CFAP47: variants seen among roughly 807,000 people sequenced by gnomAD.
CFAP47 encodes the protein cilia and flagella associated protein 47.
Under a neutral mutation model 148.1 loss-of-function variants are expected in CFAP47, and 29 were observed. The observed-to-expected ratio is 0.20, with a 90% confidence interval of 0.15 to 0.27. The LOEUF is 0.27. CFAP47 is among the 10% of genes least tolerant of loss of function. The pLI is 1.00. For missense variants in CFAP47, 1,872 were observed against 1,697.5 expected, an observed-to-expected ratio of 1.10 and a Z score of -1.81; for synonymous variants, 664 against 577.3, an observed-to-expected ratio of 1.15 and a Z score of -2.15.
At position 36,234,985 on chromosome X, in the gene CFAP47, CAG is replaced by C. The variant is rs782093827; in HGVS notation, c.7015-946_7015-945del. ...GATCGTTCCTCTGGAAGTTTTGCCT[CAG>C]AGGAGTACCCGGCCGTGTGAGGTGT... On this transcript the variant is annotated intron_variant, in intron 46 of 63. Coordinates refer to ENST00000378653, the MANE Select transcript of CFAP47 (RefSeq NM_001304548.2). Among the ~76,000 whole-genome samples the C allele has an allele frequency of 5.4e-5, 6 of 111,204 alleles. No homozygotes were observed. In the East Asian group the frequency reaches 1.4e-3, roughly 27 times the overall value.
intron 30 of CFAP47, among the ~76,000 whole-genome samples, chrX:36,089,498 A>T (rs1235820773): frequency 8.9e-6 from 1 of 112,353 alleles, no homozygotes; most frequent in Non-Finnish European, 1.9e-5. Flanking sequence ...TCAAAGAAAC[A>T]ATCCAAGAAG....
intron 51 of CFAP47, 122 bp from the exon 52 acceptor site, chrX:36,298,855 A>G (rs1165196347): frequency 4.9e-6 from 2 of 410,359 alleles, no homozygotes; most frequent in Non-Finnish European, 8.6e-6. Context: ...TAGTGTATCA[A>G]GGTAAAAAAA....
At chrX:36,343,816 C>T (rs1333177839) in intron 57 of CFAP47, among the ~76,000 whole-genome samples, 1 of 110,735 alleles carries the variant, frequency 9.0e-6, no homozygotes, top group African/African-American at 3.3e-5. Context: ...TATTCCCCTT[C>T]ATGTGTCCAT....
intron 45 of CFAP47, among the ~76,000 whole-genome samples, chrX:36,216,364 A>G (rs918400786): frequency 8.1e-5 from 9 of 111,356 alleles, no homozygotes; most frequent in African/African-American, 2.6e-4. Context: ...GCCAATTTCT[A>G]TCTCAGGAGT....
intron 33 of CFAP47, among the ~76,000 whole-genome samples, chrX:36,114,726 G>GT (rs199961399): frequency 0.013 from 1,412 of 111,452 alleles, 10 homozygotes; most frequent in Middle Eastern, 0.032. Context: ...ACTGCACTGG[G>GT]TGGGGGTGGA....
chrX:36,127,234 G>A (rs988091871), intron 33 of CFAP47, among the ~76,000 whole-genome samples: 7 of 111,738 alleles, frequency 6.3e-5, no homozygotes, highest in East Asian at 5.6e-4. Flanking sequence ...TAGGTTTTAG[G>A]TTTAAGTCTT....
chrX:36,086,272 T>A (rs1418110616), intron 30 of CFAP47, among the ~76,000 whole-genome samples: 1 of 112,347 alleles, frequency 8.9e-6, no homozygotes, highest in Non-Finnish European at 1.9e-5. Flanking sequence ...TTCTTTAGCC[T>A]GCGCTTGCAA....
At chrX:36,176,517 G>T (rs999226550) in intron 39 of CFAP47, among the ~76,000 whole-genome samples, 2 of 112,534 alleles carry the variant, frequency 1.8e-5, no homozygotes, top group Non-Finnish European at 3.7e-5. Flanking sequence ...CAATCCAATT[G>T]AGTCAGAATC....
rs1235879738 is a variant in CFAP47, at chrX:36,139,513, G to A, written c.5535+1049G>A. Among the ~76,000 whole-genome samples the A allele has an allele frequency of 3.6e-5, 4 of 111,502 alleles. No homozygotes were observed. The Admixed American group carries it at 3.8e-4, about 11-fold the overall frequency. On this transcript the variant is annotated intron_variant, in intron 35 of 63. Transcript: ENST00000378653. ...GCAACAACAATTGTCAGGATGGACC[G>A]AGAGGAAAGGAACTGGTGACAGGGA... is the stretch of plus-strand genomic sequence containing the variant.
At chrX:35,944,787 A>G (rs970744840) in intron 3 of CFAP47, among the ~76,000 whole-genome samples, 1 of 111,799 alleles carries the variant, frequency 8.9e-6, no homozygotes, top group Non-Finnish European at 1.9e-5. Flanking sequence ...AGATAGAAGA[A>G]TCCAGATTCA....
chrX:36,040,036 C>T (rs1937384230), intron 25 of CFAP47, among the ~76,000 whole-genome samples: 1 of 111,559 alleles, frequency 9.0e-6, no homozygotes, highest in Admixed American at 9.6e-5. Context: ...TAGTGTTCCT[C>T]CCCATGATAT....
At position 35,975,868 on chromosome X, in the gene CFAP47, G is replaced by A. The variant is rs372521602; in HGVS notation, c.2668G>A (p.Val890Ile). ...NCCAQFQWQP[V>I]NTGRGIAFSI... is the part of the protein sequence containing the mutation. ...TTGTGCTCAGTTTCAATGGCAACCC[G>A]TAAACACAGGAAGAGGGATAGCATT... The change falls in exon 15 of 64, where the codon GTA (valine) becomes ATA (isoleucine). Residue 890 changes from valine to isoleucine, a missense_variant. By Grantham distance (29) the Val-to-Ile change is conservative (BLOSUM62 3). Transcript: ENST00000378653. 2.6e-5 allele frequency: 32 copies of A among 1,207,715 alleles called. No homozygotes were observed. Among genetic ancestry groups the A allele is most frequent in the African/African-American group, 3.5e-5 (2 of 57,124 alleles).
At chrX:36,138,179 A>G in intron 34 of CFAP47, 124 bp downstream of exon 34, 1 of 560,028 alleles carries the variant, frequency 1.8e-6, no homozygotes, top group Non-Finnish European at 2.7e-6. Flanking sequence ...AAACACCTGA[A>G]TCTGCATGGC....
chrX:36,317,640 G>T (rs57659499), intron 56 of CFAP47, among the ~76,000 whole-genome samples: 4,203 of 105,358 alleles, frequency 0.04, 215 homozygotes, highest in African/African-American at 0.14. Context: ...GGATGGTCTC[G>T]ATCTCCTGAC....
At chrX:36,204,130 A>G (rs1422074714) in intron 44 of CFAP47, among the ~76,000 whole-genome samples, 6 of 110,452 alleles carry the variant, frequency 5.4e-5, no homozygotes, top group African/African-American at 2.0e-4. Context: ...GTTTGAGTTC[A>G]TTGTAGATTC....
intron 3 of CFAP47, among the ~76,000 whole-genome samples, chrX:35,942,999 A>C (rs1457274940): frequency 9.0e-6 from 1 of 111,705 alleles, no homozygotes; most frequent in Non-Finnish European, 1.9e-5. Context: ...GTGATCAATG[A>C]ATTACATTTT....
intron 7 of CFAP47, among the ~76,000 whole-genome samples, chrX:35,955,674 A>G (rs369628209): frequency 2.7e-5 from 3 of 111,804 alleles, no homozygotes; most frequent in East Asian, 2.8e-4. Context: ...CATAATACTT[A>G]TTTTCTATGA....
chrX:36,272,867 A>G, intron 49 of CFAP47, among the ~76,000 whole-genome samples: 2 of 111,841 alleles, frequency 1.8e-5, no homozygotes. Context: ...ATATTTTTCC[A>G]ATCAAAATTG....
intron 30 of CFAP47, among the ~76,000 whole-genome samples, chrX:36,093,387 G>C (rs761352981): frequency 9.0e-6 from 1 of 111,268 alleles, no homozygotes; most frequent in African/African-American, 3.2e-5. Context: ...GTGTACAAAG[G>C]CTCCCTTTTC....
Sources: allele counts gnomAD v4.1 joint callset (sites outside exome capture counted in the v4.1 genomes callset), GRCh38; gene constraint gnomAD v4.1.1; transcripts MANE v1.5; gene names NCBI Gene and HGNC (gene_info 2026-07-23, HGNC 2026-07-21).